The following PIM3 variants were observed in gnomAD, a reference collection of about 807,000 sequenced individuals.
PIM3 encodes Pim-3 proto-oncogene, serine/threonine kinase, also known as serine/threonine-protein kinase pim-3.
A neutral mutation model predicts 27.5 loss-of-function variants in PIM3; 13 were observed. The ratio of observed to expected loss-of-function variants is 0.47; its 90% CI spans 0.31 to 0.75. PIM3 has a LOEUF of 0.75. Ranked by LOEUF, PIM3 falls within the 30% of genes least tolerant of loss-of-function variation. PIM3 has a pLI of 0.05. For missense variants in PIM3, 482 were observed against 476.9 expected, an observed-to-expected ratio of 1.01 and a Z score of -0.10; for synonymous variants, 341 against 221.1, an observed-to-expected ratio of 1.54 and a Z score of -4.81.
At position 49,963,186 on chromosome 22, in the gene PIM3, C is replaced by G; in HGVS notation, c.*59C>G. Reference sequence around the variant, plus strand: ...CTGCCTTGGCCAGACCTGGGACGCCCCCAGACCCTGACTTTCTCCTGCGTG... The same window carrying G: ...CTGCCTTGGCCAGACCTGGGACGCCGCCAGACCCTGACTTTCTCCTGCGTG... On this transcript the variant is annotated 3_prime_UTR_variant, in exon 6 of 6. Transcript: ENST00000360612. The G allele has an allele frequency of 1.4e-6, 2 of 1,456,324 alleles. No individual in the cohort carries two copies. Among genetic ancestry groups the G allele is most frequent in the Non-Finnish European group, 1.8e-6 (2 of 1,098,252 alleles). The allele number at this position is 1,456,324 out of a possible 1,614,324, so 90.2% of individuals were successfully genotyped here. A position where few individuals can be genotyped will look rare whatever the true frequency, so the allele number is the denominator to read the frequency against.
Position 49,960,985 on chromosome 22 carries a change from G to T in PIM3, c.38G>T (p.Cys13Phe). Residue 13 changes from cysteine (C) to phenylalanine (F), a missense_variant, in exon 1 of 6, where the codon TGC becomes TTC. Cys to Phe is a radical substitution (Grantham distance 205, BLOSUM62 -2). Transcript: ENST00000360612. The part of the protein sequence containing the change: ...LSKFGSLAHL[C>F]GPGGVDHLPV... Reference sequence around the variant, plus strand: ...AAGTTCGGCTCCCTGGCGCACCTCTGCGGGCCCGGCGGCGTGGACCACCTC... The same window carrying T: ...AAGTTCGGCTCCCTGGCGCACCTCTTCGGGCCCGGCGGCGTGGACCACCTC... 1 of 1,393,684 alleles carries T rather than the reference G, an allele frequency of 7.2e-7. No individual in the cohort carries two copies. The highest frequency in any genetic ancestry group is 1.4e-5 in the South Asian group (1 of 69,690). 86.3% of individuals were successfully genotyped at this position (1,393,684 alleles called of 1,614,324 possible).
Position 49,963,888 on chromosome 22 carries a change from T to C in PIM3, c.*761T>C, listed in dbSNP as rs941582762. 13 of 152,472 alleles carry C rather than the reference T, an allele frequency of 8.5e-5. No individual in the cohort carries two copies. Among genetic ancestry groups the C allele is most frequent in the African/African-American group, 2.9e-4 (12 of 41,466 alleles). 9.4% of individuals were successfully genotyped at this position (152,472 alleles called of 1,614,324 possible). ...TTTAAATTATTGACTTTGTACAGTC[T>C]GCTTGTGGGCTCTGAAAGCTGGGGT... is the stretch of plus-strand genomic sequence containing the variant. On this transcript the variant is annotated 3_prime_UTR_variant, in exon 6 of 6. Transcript: ENST00000360612.
intron 4 of PIM3, among the ~76,000 whole-genome samples, chr22:49,962,421 A>G (rs886775908): frequency 6.9e-6 from 1 of 145,240 alleles, no homozygotes; most frequent in African/African-American, 2.6e-5. Flanking sequence ...CCACCCAGGT[A>G]GCCTCACAGC....
Position 49,963,014 on chromosome 22 carries a change from C to A in PIM3, c.868C>A (p.His290Asn). The A allele has an allele frequency of 6.2e-7, 1 of 1,612,096 alleles. No homozygotes were observed. Among genetic ancestry groups the A allele is most frequent in the Non-Finnish European group, 8.5e-7 (1 of 1,179,800 alleles). The change falls in exon 6 of 6, where the codon CAT (histidine) becomes AAT (asparagine). Residue 290 changes from histidine to asparagine, a missense_variant. By Grantham distance (68) the His-to-Asn change is moderately conservative (BLOSUM62 1). Coordinates refer to ENST00000360612, the MANE Select transcript of PIM3 (RefSeq NM_001001852.4). ...GCCGTCGCTGGATCAGATTGCGGCC[C>A]ATCCCTGGATGCTGGGGGCTGACGG... ...ERPSLDQIAA[H>N]PWMLGADGGV...
At position 49,961,388 on chromosome 22, in the gene PIM3, G is replaced by A; in HGVS notation, c.246+20G>A. 1 of 1,450,062 alleles carries A rather than the reference G, an allele frequency of 6.9e-7. No homozygotes were observed. Among genetic ancestry groups the A allele is most frequent in the Non-Finnish European group, 9.0e-7 (1 of 1,106,174 alleles). 89.8% of individuals were successfully genotyped at this position (1,450,062 alleles called of 1,614,324 possible). ...AGCCTGGTAAGTTGGGGCACGGGCGGCGGCGGCGGCGGGGGGCGGGCGCGG... is the reference window on the plus strand; with the variant it reads ...AGCCTGGTAAGTTGGGGCACGGGCGACGGCGGCGGCGGGGGGCGGGCGCGG... On this transcript the variant is annotated intron_variant, in intron 3 of 5. Transcript: ENST00000360612.
At position 49,962,683 on chromosome 22, in the gene PIM3, C is replaced by G; in HGVS notation, c.617-6C>G. On this transcript the variant is annotated splice_region_variant and splice_polypyrimidine_tract_variant and intron_variant, in intron 4 of 5. Transcript: ENST00000360612. The stretch of plus-strand genomic sequence containing the variant: ...GGTGGGCGTGCTAAGCCCTGTGTCC[C>G]CTTAGGCACCCGAGTGTACAGCCCC... 1 of 1,607,624 alleles carries G rather than the reference C, an allele frequency of 6.2e-7. No individual in the cohort carries two copies. The highest frequency in any genetic ancestry group is 8.5e-7 in the Non-Finnish European group (1 of 1,177,650).
chr22:49,962,621 A>G, intron 4 of PIM3, 68 bp from the exon 5 acceptor site: 2 of 1,513,896 alleles, frequency 1.3e-6, no homozygotes, highest in Non-Finnish European at 1.8e-6. Context: ...GTTAACCAGC[A>G]GGGACCTCGC....
rs771763317 is a variant in PIM3 at position 49,963,110 on chromosome 22, A to T, written c.964A>T (p.Ser322Cys). 6.2e-7 allele frequency: 1 copy of T among 1,605,152 alleles called. No homozygotes were observed. Among genetic ancestry groups the T allele is most frequent in the Non-Finnish European group, 8.5e-7 (1 of 1,176,190 alleles). ...TGATGACGTGGCCAGCACCACGTCC[A>T]GCAGCGAGAGCTTGTGAGGAGCTGC... ...DPDDVASTTS[S>C]SESL The change falls in exon 6 of 6, where the codon AGC becomes TGC. Residue 322 changes from serine (S) to cysteine (C), a missense_variant. By Grantham distance (112) the Ser-to-Cys change is moderately radical. Transcript: ENST00000360612.
chr22:49,961,660 G>A lies in PIM3; in HGVS notation c.465G>A (p.Leu155=), dbSNP rs371740020. Residue 155 remains leucine (L), a synonymous_variant, in exon 4 of 6, where the codon CTG becomes CTA. Transcript: ENST00000360612. ...CGCGCCGCTTCTTCGCGCAGGTGCT[G>A]GCCGCCGTGCGCCACTGCCACAGCT... The part of the protein sequence containing the change: ...PLARRFFAQV[L]AAVRHCHSCG... 7.0e-6 allele frequency: 11 copies of A among 1,581,300 alleles called. No individual in the cohort carries two copies. The highest frequency in any genetic ancestry group is 1.3e-5 in the African/African-American group (1 of 74,166).
intron 2 of PIM3, 41 bp downstream of exon 2, chr22:49,961,275 C>T (rs2060905496): frequency 1.3e-6 from 2 of 1,540,728 alleles, no homozygotes; most frequent in Non-Finnish European, 1.7e-6. Context: ...TCTCGCGCGC[C>T]TTGCGCCTCG....
At chr22:49,962,472 C>T (rs566731981) in intron 4 of PIM3, among the ~76,000 whole-genome samples, 10 of 151,542 alleles carry the variant, frequency 6.6e-5, no homozygotes, top group African/African-American at 2.2e-4. Context: ...ACTCATGTGA[C>T]CTGCTCCTCC....
rs201413218 is a variant in PIM3 at position 49,962,673 on chromosome 22, C to T, written c.617-16C>T. The T allele has an allele frequency of 7.4e-5, 118 of 1,603,312 alleles. 1 individual carries two copies. Among genetic ancestry groups the T allele is most frequent in the Admixed American group, 5.1e-5 (3 of 58,778 alleles). On this transcript the variant is annotated splice_polypyrimidine_tract_variant and intron_variant, in intron 4 of 5. Transcript: ENST00000360612. ...CTGCCTCTGTGGTGGGCGTGCTAAG[C>T]CCTGTGTCCCCTTAGGCACCCGAGT...
At position 49,961,792 on chromosome 22, in the gene PIM3, G is replaced by A. The variant is rs1162603180; in HGVS notation, c.597G>A (p.Thr199=). The A allele has an allele frequency of 1.9e-6, 3 of 1,612,016 alleles. No individual in the cohort carries two copies. Among genetic ancestry groups the A allele is most frequent in the South Asian group, 1.1e-5 (1 of 90,968 alleles). ...GTTCGGGTGCGCTGCTCAAGGACAC[G>A]GTCTACACCGACTTCGACGGTGAGC... ...DFGSGALLKD[T]VYTDFDGTRV... Residue 199 remains threonine, a synonymous_variant, in exon 4 of 6, where the codon ACG becomes ACA. Transcript: ENST00000360612.
In PIM3 at chr22:49,963,940, A is replaced by T. The variant is rs2146708469; in HGVS notation, c.*813A>T. ...GGGCCAGAGCCTGAGCGTTTAATTT[A>T]TTCAGTACCTGTGTTTGTGTGAATG... is the stretch of plus-strand genomic sequence containing the variant. On this transcript the variant is annotated 3_prime_UTR_variant, in exon 6 of 6. Transcript: ENST00000360612. 6.6e-6 allele frequency: 1 copy of T among 152,542 alleles called. No individual in the cohort carries two copies. Among genetic ancestry groups the T allele is most frequent in the Middle Eastern group, 3.4e-3 (1 of 294 alleles). 9.4% of individuals were successfully genotyped at this position (152,542 alleles called of 1,614,324 possible).
rs572946001 is a variant in PIM3, at chr22:49,961,047, G to T, written c.85+15G>T. ...CCTGCAGCCAGGTACGCGCGGGGCC[G>T]GCGGGGCCGGGGCCGGGGCCAGGGC... is the stretch of plus-strand genomic sequence containing the variant. On this transcript the variant is annotated intron_variant, in intron 1 of 5. Coordinates refer to ENST00000360612, the MANE Select transcript of PIM3 (RefSeq NM_001001852.4). 51 of 1,348,946 alleles carry T rather than the reference G, an allele frequency of 3.8e-5. No homozygotes were observed. In the South Asian group the frequency reaches 7.8e-4, roughly 21 times the overall value. 83.6% of individuals were successfully genotyped at this position (1,348,946 alleles called of 1,614,324 possible).
intron 4 of PIM3, among the ~76,000 whole-genome samples, chr22:49,962,382 G>A (rs2060912823): frequency 6.8e-6 from 1 of 146,336 alleles, no homozygotes; most frequent in South Asian, 2.2e-4. Context: ...AGGCGCGCCG[G>A]GCGGTAAGGG....
In PIM3 at chr22:49,962,522, G is replaced by GC. The variant is rs894655374; in HGVS notation, c.617-160dup. Among the ~76,000 whole-genome samples the GC allele has an allele frequency of 4.0e-5, 6 of 151,316 alleles. No homozygotes were observed. In the East Asian group the frequency reaches 5.9e-4, roughly 15 times the overall value. On this transcript the variant is annotated intron_variant, in intron 4 of 5. Transcript: ENST00000360612. ...AGGGGGACGGCCGGCCCCTCCCCCA[G>GC]CCCCCCCATCGCCTGCCGGGGTTTT...
chr22:49,962,319 C>T (rs954981122), intron 4 of PIM3, among the ~76,000 whole-genome samples: 1 of 148,818 alleles, frequency 6.7e-6, no homozygotes, highest in Non-Finnish European at 1.5e-5. Context: ...CGGGGCTCCC[C>T]GCCCGCCCCT....
At chr22:49,962,083 G>GCGTGACATCCTTC (rs2060910473) in intron 4 of PIM3, among the ~76,000 whole-genome samples, 1 of 152,066 alleles carries the variant, frequency 6.6e-6, no homozygotes, top group African/African-American at 2.4e-5. Context: ...TGTGGGAGGC[G>GCGTGACATCCTTC]CGTGACATCC....
Sources: allele counts gnomAD v4.1 joint callset (sites outside exome capture counted in the v4.1 genomes callset), GRCh38; gene constraint gnomAD v4.1.1; transcripts MANE v1.5; gene names NCBI Gene and HGNC (gene_info 2026-07-23, HGNC 2026-07-21).